The following MAP4K4 variants were observed in gnomAD, a reference collection of about 807,000 sequenced individuals.
MAP4K4 encodes HPK/GCK-like kinase HGK.
MAP4K4 carries 38 observed loss-of-function variants against 189.6 expected under a neutral mutation model. The ratio of observed to expected loss-of-function variants is 0.20; its 90% CI spans 0.15 to 0.26. The LOEUF (loss-of-function observed/expected upper bound fraction) is 0.26. Ranked by LOEUF, MAP4K4 falls within the 10% of genes least tolerant of loss-of-function variation. The pLI is 1.00. For synonymous variants in MAP4K4, 610 were observed against 624.3 expected (o/e 0.98, Z 0.34); for missense variants, 1,054 against 1,726.9 (o/e 0.61, Z 6.91).
At chr2:101,735,637 C>G (rs1005728030) in intron 2 of MAP4K4, among the ~76,000 whole-genome samples, 3 of 152,070 alleles carry the variant, frequency 2.0e-5, no homozygotes, top group African/African-American at 4.8e-5. Flanking sequence ...CTTTGTCAAA[C>G]CAAGGAATTC....
chr2:101,866,585 C>CTGCCT lies in MAP4K4; in HGVS notation c.2356+8_2356+12dup. ...GGAACGCTTCAGAGTGAGATGTAAG[C>CTGCCT]TGCCTTTCCTTTCCTTTTTCCCTGC... On this transcript the variant is annotated splice_region_variant and intron_variant, in intron 19 of 32. Transcript: ENST00000324219. The CTGCCT allele has an allele frequency of 3.1e-6, 5 of 1,610,326 alleles. No homozygotes were observed. The highest frequency in any genetic ancestry group is 4.2e-6 in the Non-Finnish European group (5 of 1,177,112).
At chr2:101,886,268 G>T (rs2098479654) in intron 29 of MAP4K4, among the ~76,000 whole-genome samples, 1 of 152,064 alleles carries the variant, frequency 6.6e-6, no homozygotes, top group Non-Finnish European at 1.5e-5. Context: ...CATTATCGTA[G>T]TCTCGTGAAC....
intron 3 of MAP4K4, among the ~76,000 whole-genome samples, chr2:101,803,327 G>A (rs2094573582): frequency 6.6e-6 from 1 of 151,834 alleles, no homozygotes; most frequent in Non-Finnish European, 1.5e-5. Flanking sequence ...GTGTGCACAG[G>A]CCATGAAACT....
intron 3 of MAP4K4, among the ~76,000 whole-genome samples, chr2:101,813,938 G>T (rs4850989): frequency 0.75 from 114,194 of 152,106 alleles, 43,322 homozygotes; most frequent in African/African-American, 0.88. Flanking sequence ...TCTCTCACTG[G>T]CTCCCATTAG....
At chr2:101,788,281 G>A (rs2092074808) in intron 2 of MAP4K4, among the ~76,000 whole-genome samples, 1 of 152,200 alleles carries the variant, frequency 6.6e-6, no homozygotes, top group Non-Finnish European at 1.5e-5. Context: ...GTGGAATGAG[G>A]ATGAATCCCT....
In MAP4K4 at chr2:101,871,701, C is replaced by T. The variant is rs1165114669; in HGVS notation, c.2952+16C>T. ...TGCTAATGAGGTATGTCTCGCACCA[C>T]AGCTGGCTGCTTTCCTGGGGTTAGA... On this transcript the variant is annotated intron_variant, in intron 24 of 32. Transcript: ENST00000324219. 3 of 1,533,112 alleles carry T rather than the reference C, an allele frequency of 2.0e-6. No homozygotes were observed. The highest frequency in any genetic ancestry group is 2.6e-6 in the Non-Finnish European group (3 of 1,144,528). The allele number at this position is 1,533,112 out of a possible 1,614,324, so 95.0% of individuals were successfully genotyped here. A position where few individuals can be genotyped will look rare whatever the true frequency, so the allele number is the denominator to read the frequency against.
intron 2 of MAP4K4, among the ~76,000 whole-genome samples, chr2:101,720,240 C>T (rs2051016452): frequency 6.7e-6 from 1 of 149,282 alleles, no homozygotes; most frequent in East Asian, 2.0e-4. Context: ...GTGGCATGAC[C>T]TCGGCTTGCT....
intron 12 of MAP4K4, among the ~76,000 whole-genome samples, chr2:101,849,750 C>T (rs1451799843): frequency 6.6e-6 from 1 of 151,286 alleles, no homozygotes; most frequent in African/African-American, 2.4e-5. Context: ...TAAAAATAGT[C>T]TGGGCATGAT....
At chr2:101,873,799 A>G (rs1577191224) in intron 25 of MAP4K4, 35 bp downstream of exon 25, 3 of 1,431,508 alleles carry the variant, frequency 2.1e-6, no homozygotes, top group Non-Finnish European at 2.9e-6. Flanking sequence ...CAGCTGACAA[A>G]TGGGACTTTA....
At chr2:101,853,306 G>A (rs1320001142) in intron 12 of MAP4K4, among the ~76,000 whole-genome samples, 1 of 152,144 alleles carries the variant, frequency 6.6e-6, no homozygotes, top group African/African-American at 2.4e-5. Flanking sequence ...TAGAGACAGT[G>A]GGGGAACAGA....
intron 2 of MAP4K4, among the ~76,000 whole-genome samples, chr2:101,737,459 ATATTTTTTTT>A (rs1361475715): frequency 5.1e-4 from 16 of 31,622 alleles, no homozygotes; most frequent in African/African-American, 2.6e-3. Flanking sequence ...ATATATATAT[ATATTTTTTTT>A]TTTTTTTTTT....
chr2:101,816,698 G>A (rs766508281), intron 3 of MAP4K4, among the ~76,000 whole-genome samples: 40 of 152,248 alleles, frequency 2.6e-4, no homozygotes, highest in Middle Eastern at 3.4e-3. Flanking sequence ...AGAAGTTGAG[G>A]GTCTGGATTG....
chr2:101,733,902 G>A (rs181413925), intron 2 of MAP4K4, among the ~76,000 whole-genome samples: 7 of 152,338 alleles, frequency 4.6e-5, no homozygotes, highest in Admixed American at 2.0e-4. Context: ...AAGTCAGCCT[G>A]CTGGAGCCTT....
At chr2:101,767,756 G>C (rs1558820804) in intron 2 of MAP4K4, among the ~76,000 whole-genome samples, 1 of 152,188 alleles carries the variant, frequency 6.6e-6, no homozygotes, top group East Asian at 1.9e-4. Context: ...ACACCCAAGT[G>C]GAGTATATGA....
At chr2:101,892,041 G>T (rs567215353) in exon 33 of MAP4K4, 5 of 139,684 alleles carry the variant, frequency 3.6e-5, no homozygotes, top group Non-Finnish European at 7.7e-5. Flanking sequence ...AAAAGAAAAC[G>T]TGTGCATTTT....
chr2:101,752,357 C>T (rs1021307751), intron 2 of MAP4K4, among the ~76,000 whole-genome samples: 1 of 152,136 alleles, frequency 6.6e-6, no homozygotes, highest in African/African-American at 2.4e-5. Context: ...TTGTCTCTTA[C>T]GGAGTGCTTA....
At chr2:101,788,679 C>T (rs764746512) in intron 2 of MAP4K4, among the ~76,000 whole-genome samples, 2 of 152,200 alleles carry the variant, frequency 1.3e-5, no homozygotes, top group Non-Finnish European at 2.9e-5. Context: ...TCCTTATACT[C>T]TGTTCCCTTA....
chr2:101,722,047 TAGAGGA>T (rs747438044), intron 2 of MAP4K4, among the ~76,000 whole-genome samples: 26 of 152,082 alleles, frequency 1.7e-4, no homozygotes, highest in Non-Finnish European at 2.2e-4. Context: ...TGGTTTACAA[TAGAGGA>T]AGATAGTAGG....
intron 27 of MAP4K4, among the ~76,000 whole-genome samples, chr2:101,879,195 C>CAAA (rs61482872): frequency 1.6e-4 from 11 of 67,412 alleles, no homozygotes; most frequent in Non-Finnish European, 2.7e-4. Context: ...AGCCTGTCTC[C>CAAA]AAAAAAAAAA....
Sources: gnomAD v4.1 joint callset for allele counts (sites outside exome capture counted in the v4.1 genomes callset) on GRCh38, gnomAD v4.1.1 for gene constraint, MANE v1.5 for transcripts, NCBI Gene and HGNC (gene_info 2026-07-23, HGNC 2026-07-21) for gene names.